PCDH15: variants seen among roughly 807,000 people sequenced by gnomAD.
PCDH15 encodes protocadherin-15.
A neutral mutation model predicts 178.5 loss-of-function variants in PCDH15; 129 were observed. The ratio of observed to expected loss-of-function variants is 0.72; its 90% CI spans 0.63 to 0.84. The LOEUF (loss-of-function observed/expected upper bound fraction) is 0.84, where lower values mean the gene tolerates loss of function less well. PCDH15 is among the 40% of genes least tolerant of loss of function. The probability of loss-of-function intolerance (pLI) is 0.00; values close to 1 mark genes in which losing one functional copy is unlikely to be tolerated. For synonymous variants in PCDH15, 800 were observed against 732.0 expected, an observed-to-expected ratio of 1.09 and a Z score of -1.50; for missense variants, 2,230 against 2,099.9, an observed-to-expected ratio of 1.06 and a Z score of -1.21.
chr10:54,249,441 T>C, intron 8 of PCDH15, among the ~76,000 whole-genome samples: 1 of 152,180 alleles, frequency 6.6e-6, no homozygotes, highest in Non-Finnish European at 1.5e-5. Context: ...TTAAATTTCT[T>C]TGGTCACTAG....
intron 18 of PCDH15, among the ~76,000 whole-genome samples, chr10:54,061,972 C>A (rs1262023089): frequency 6.6e-6 from 1 of 151,916 alleles, no homozygotes; most frequent in Admixed American, 6.6e-5. Context: ...GGCCTGTAAT[C>A]CCAGCACTTT....
At chr10:55,284,564 A>C (rs965681398) in intron 1 of PCDH15, among the ~76,000 whole-genome samples, 2 of 97,962 alleles carry the variant, frequency 2.0e-5, no homozygotes, top group Non-Finnish European at 4.0e-5. Context: ...TGTTTTCTGC[A>C]TATTATTTTT....
In PCDH15 at chr10:53,809,345, C is replaced by G. The variant is rs1192036823; in HGVS notation, c.4671+1211G>C. The G allele has an allele frequency of 3.7e-6, 6 of 1,613,130 alleles. No individual in the cohort carries two copies. The East Asian group carries it at 1.3e-4, about 36-fold the overall frequency. On this transcript the variant is annotated intron_variant, in intron 37 of 37. Transcript: ENST00000644397. ...TCTTCCTCAAGGCGTCTCTGCCACT[C>G]TTCACCCTCAAGGTCAACGATTCCT...
intron 21 of PCDH15, among the ~76,000 whole-genome samples, chr10:53,978,761 A>G (rs1227574116): frequency 1.3e-5 from 2 of 150,880 alleles, no homozygotes; most frequent in Non-Finnish European, 2.9e-5. Context: ...TTCTTCCACC[A>G]GGTACCCTAA....
intron 7 of PCDH15, among the ~76,000 whole-genome samples, chr10:54,318,058 A>C (rs532618723): frequency 6.6e-6 from 1 of 152,252 alleles, no homozygotes; most frequent in South Asian, 2.1e-4. Flanking sequence ...GTAATTGTAA[A>C]TTCCTTCTCT....
At chr10:55,130,120 A>T (rs1838002097) in intron 2 of PCDH15, among the ~76,000 whole-genome samples, 1 of 152,192 alleles carries the variant, frequency 6.6e-6, no homozygotes, top group Admixed American at 6.5e-5. Context: ...GCCAAGCAGT[A>T]TAGTGGAAGT....
intron 27 of PCDH15, among the ~76,000 whole-genome samples, chr10:53,861,657 AAT>A (rs1190426017): frequency 1.3e-5 from 2 of 152,214 alleles, no homozygotes; most frequent in Non-Finnish European, 2.9e-5. Context: ...CAATATGTTT[AAT>A]ATATGTTTAG....
chr10:55,285,038 A>G (rs1588879574), intron 1 of PCDH15, among the ~76,000 whole-genome samples: 1 of 151,490 alleles, frequency 6.6e-6, no homozygotes, highest in Non-Finnish European at 1.5e-5. Flanking sequence ...AATATTAACT[A>G]TAGTTGAATA....
intron 18 of PCDH15, among the ~76,000 whole-genome samples, chr10:54,030,472 T>C (rs780568269): frequency 1.3e-4 from 20 of 151,904 alleles, no homozygotes; most frequent in Middle Eastern, 3.4e-3. Flanking sequence ...AGGTAAATTT[T>C]TTCACTCTCC....
intron 2 of PCDH15, among the ~76,000 whole-genome samples, chr10:55,492,895 T>C (rs1417296937): frequency 6.6e-6 from 1 of 151,566 alleles, no homozygotes; most frequent in Non-Finnish European, 1.5e-5. Context: ...CAAATGAAAA[T>C]TTTGGAGTTA....
intron 2 of PCDH15, among the ~76,000 whole-genome samples, chr10:55,338,646 T>C (rs189478622): frequency 3.2e-4 from 49 of 152,138 alleles, no homozygotes; most frequent in Non-Finnish European, 6.6e-4. Context: ...GGTGCACTTG[T>C]AATCCCTGCC....
intron 1 of PCDH15, among the ~76,000 whole-genome samples, chr10:54,722,174 T>C (rs1031767357): frequency 6.6e-6 from 1 of 151,772 alleles, no homozygotes; most frequent in African/African-American, 2.4e-5. Flanking sequence ...CACCCCTTTA[T>C]GATGAAAACC....
intron 2 of PCDH15, among the ~76,000 whole-genome samples, chr10:55,104,096 A>G (rs956222733): frequency 6.6e-6 from 1 of 151,684 alleles, no homozygotes; most frequent in East Asian, 1.9e-4. Flanking sequence ...AAATAAACAA[A>G]ACAATTTCGT....
chr10:55,273,783 T>C (rs1592040486), intron 1 of PCDH15, among the ~76,000 whole-genome samples: 1 of 152,240 alleles, frequency 6.6e-6, no homozygotes, highest in South Asian at 2.1e-4. Context: ...TCTCACGTAC[T>C]TGAGGAAGAA....
At position 54,205,004 on chromosome 10, in the gene PCDH15, G is replaced by A. The variant is rs182160634; in HGVS notation, c.1098+8932C>T. ...TATTGCTTATTTGTTTTCTTTATTA[G>A]TTTAATTTTATCATATCTTCCTAAG... is the stretch of plus-strand genomic sequence containing the variant. On this transcript the variant is annotated intron_variant, in intron 10 of 37. Coordinates refer to ENST00000644397, the MANE Select transcript of PCDH15 (RefSeq NM_001384140.1). 5.1e-4 allele frequency among the ~76,000 whole-genome samples: 77 copies of A among 152,164 alleles called. 1 individual carries two copies. The highest frequency in any genetic ancestry group is 1.6e-3 in the African/African-American group (67 of 41,524).
intron 1 of PCDH15, among the ~76,000 whole-genome samples, chr10:54,761,683 AAAAACAAAACAAAAC>A (rs71014416): frequency 0.046 from 6,955 of 149,978 alleles, 557 homozygotes; most frequent in African/African-American, 0.16. Flanking sequence ...ACTCTGTCTC[AAAAACAAAACAAAAC>A]AAAACAAAAC....
chr10:53,905,237 T>C, intron 25 of PCDH15: 1 of 518,920 alleles, frequency 1.9e-6, no homozygotes, highest in South Asian at 1.4e-5. Flanking sequence ...GTCTTTCTAA[T>C]GTGTCCTGCA....
chr10:54,126,862 TTTTG>T (rs976610809), intron 15 of PCDH15, among the ~76,000 whole-genome samples: 2 of 152,118 alleles, frequency 1.3e-5, no homozygotes, highest in African/African-American at 2.4e-5. Flanking sequence ...GGTTCCATAT[TTTTG>T]TTTGTTTATA....
intron 2 of PCDH15, among the ~76,000 whole-genome samples, chr10:55,466,946 A>G (rs1565169301): frequency 6.6e-6 from 1 of 152,144 alleles, no homozygotes; most frequent in Non-Finnish European, 1.5e-5. Flanking sequence ...TTTCTTGCCC[A>G]TACTGAATGC....
Sources: allele counts gnomAD v4.1 joint callset (sites outside exome capture counted in the v4.1 genomes callset), GRCh38; gene constraint gnomAD v4.1.1; transcripts MANE v1.5; gene names NCBI Gene and HGNC (gene_info 2026-07-23, HGNC 2026-07-21).